Variants in ZDHHC6 observed in about 807,000 individuals in gnomAD.
ZDHHC6 encodes the protein zDHHC palmitoyltransferase 6, also known as palmitoyltransferase ZDHHC6.
In ZDHHC6, 32 loss-of-function variants were observed where a neutral mutation model predicts 57.8. The observed-to-expected ratio is 0.55, with a 90% CI of 0.42 to 0.74. The LOEUF is 0.74. Among genes scored for constraint, ZDHHC6 ranks in the 30% least tolerant of loss-of-function variants. The pLI is 0.00. For missense variants in ZDHHC6, 433 were observed against 500.7 expected, an observed-to-expected ratio of 0.86 and a Z score of 1.29; for synonymous variants, 128 against 158.0, an observed-to-expected ratio of 0.81 and a Z score of 1.42.
Position 112,438,393 on chromosome 10 carries a change from G to C in ZDHHC6, c.682-4C>G, listed in dbSNP as rs1845752532. On this transcript the variant is annotated splice_region_variant and splice_polypyrimidine_tract_variant and intron_variant, in intron 5 of 10. Transcript: ENST00000369405. The stretch of plus-strand genomic sequence containing the variant: ...TGTTTCTGAGAATTATTTTCATCTG[G>C]AAATTAAATGATAGTAAAATTTAAT... 8 of 1,378,376 alleles carry C rather than the reference G, an allele frequency of 5.8e-6. No individual in the cohort carries two copies. Among genetic ancestry groups the C allele is most frequent in the Non-Finnish European group, 7.7e-6 (8 of 1,035,030 alleles). The allele number at this position is 1,378,376 out of a possible 1,614,324, so 85.4% of individuals were successfully genotyped here.
chr10:112,427,365 G>A (rs755937747), downstream of ZDHHC6: 17 of 1,606,146 alleles, frequency 1.1e-5, no homozygotes, highest in Non-Finnish European at 1.4e-5. Flanking sequence ...TTAGGATAAG[G>A]TACTTAAGTA....
intron 7 of ZDHHC6, 71 bp from the exon 8 acceptor site, chr10:112,433,352 C>A: frequency 7.7e-7 from 1 of 1,291,096 alleles, no homozygotes; most frequent in Non-Finnish European, 1.0e-6. Context: ...CTTTCCTCAT[C>A]AACTGTCAGA....
At chr10:112,428,886 C>A (rs1844845295), downstream of ZDHHC6, among the ~76,000 whole-genome samples, 1 of 152,202 alleles carries the variant, frequency 6.6e-6, no homozygotes, top group African/African-American at 2.4e-5. Flanking sequence ...AGAAGACCCA[C>A]AGATGATTCT....
In ZDHHC6 at chr10:112,446,880, G is replaced by A. The variant is rs974970821; in HGVS notation, c.-390C>T. 4.9e-5 allele frequency: 9 copies of A among 184,996 alleles called. No homozygotes were observed. Among genetic ancestry groups the A allele is most frequent in the African/African-American group, 7.1e-5 (3 of 42,512 alleles). The allele number at this position is 184,996 out of a possible 1,614,324, so 11.5% of individuals were successfully genotyped here. On this transcript the variant is annotated 5_prime_UTR_variant, in exon 1 of 11. Coordinates refer to ENST00000369405, the MANE Select transcript of ZDHHC6 (RefSeq NM_022494.3). Reference sequence around the variant, plus strand: ...TGGAGTGCGGGACCTGCTACAAGCCGAGCACCTCTCGGCCAGCGCCCTCGC... The same window carrying A: ...TGGAGTGCGGGACCTGCTACAAGCCAAGCACCTCTCGGCCAGCGCCCTCGC...
chr10:112,433,370 G>A, intron 7 of ZDHHC6, 89 bp from the exon 8 acceptor site: 1 of 1,041,148 alleles, frequency 9.6e-7, no homozygotes, highest in East Asian at 2.7e-5. Flanking sequence ...AGAGTGATAT[G>A]GCAAAACCCC....
chr10:112,447,303 G>C, upstream of ZDHHC6: 13 of 1,525,838 alleles, frequency 8.5e-6, no homozygotes, highest in African/African-American at 1.4e-5. Context: ...AAGCCGCGGG[G>C]CCCCTCGCTG....
Position 112,430,700 on chromosome 10 carries a change from A to G in ZDHHC6, c.*104T>C. On this transcript the variant is annotated 3_prime_UTR_variant, in exon 11 of 11. Transcript: ENST00000369405. ...ATGGCACTAGGGCACCTTTGAGGAA[A>G]AGAACATCTTAACCAGAGTAGGCTC... 1 of 970,562 alleles carries G rather than the reference A, an allele frequency of 1.0e-6. No individual in the cohort carries two copies. The highest frequency in any genetic ancestry group is 1.5e-6 in the Non-Finnish European group (1 of 678,792). 60.1% of individuals were successfully genotyped at this position (970,562 alleles called of 1,614,324 possible).
intron 1 of ZDHHC6, among the ~76,000 whole-genome samples, chr10:112,446,176 C>A (rs1349849099): frequency 2.6e-5 from 4 of 152,126 alleles, no homozygotes; most frequent in African/African-American, 9.7e-5. Flanking sequence ...CCTGCAGTCT[C>A]CTCCACCCCG....
upstream of ZDHHC6, chr10:112,447,470 G>T: frequency 6.2e-7 from 1 of 1,613,084 alleles, no homozygotes; most frequent in Non-Finnish European, 8.5e-7. Flanking sequence ...CCCGCCTGGT[G>T]AGAGCCTTGC....
chr10:112,428,067 A>G (rs1305335865), downstream of ZDHHC6: 3 of 206,522 alleles, frequency 1.5e-5, no homozygotes, highest in Non-Finnish European at 1.9e-5. Context: ...CATTATTTAC[A>G]GTAGGAACTG....
chr10:112,443,670 G>T, intron 2 of ZDHHC6, 64 bp from the exon 3 acceptor site: 1 of 1,330,030 alleles, frequency 7.5e-7, no homozygotes, highest in South Asian at 1.3e-5. Flanking sequence ...TGATTCCTAC[G>T]GTATGATTTT....
chr10:112,433,114 T>C (rs1382844025), intron 8 of ZDHHC6, 126 bp downstream of exon 8: 1 of 678,338 alleles, frequency 1.5e-6, no homozygotes, highest in Non-Finnish European at 2.2e-6. Context: ...TTTCAACAAA[T>C]GTATTAAGGA....
chr10:112,425,118 C>T (rs1173831084), exon 12 of ZDHHC6: 4 of 358,202 alleles, frequency 1.1e-5, no homozygotes, highest in African/African-American at 4.2e-5. Flanking sequence ...TCTAAGGCTG[C>T]GCATTGACTC....
At chr10:112,434,538 C>A (rs1277648021) in intron 6 of ZDHHC6, 74 bp from the exon 7 acceptor site, 4 of 1,370,638 alleles carry the variant, frequency 2.9e-6, no homozygotes, top group African/African-American at 2.9e-5. Context: ...ATTGAGAACA[C>A]TTATTTCTCA....
At chr10:112,429,614 T>A (rs1197634107), downstream of ZDHHC6, among the ~76,000 whole-genome samples, 1 of 152,212 alleles carries the variant, frequency 6.6e-6, no homozygotes, top group Non-Finnish European at 1.5e-5. Flanking sequence ...TTTCCTTCTG[T>A]GATTCCACTG....
chr10:112,432,810 T>C (rs1461240592), intron 8 of ZDHHC6, among the ~76,000 whole-genome samples: 2 of 152,240 alleles, frequency 1.3e-5, no homozygotes, highest in Non-Finnish European at 1.5e-5. Context: ...GTATGTGTAG[T>C]ATCCAATGCA....
chr10:112,426,057 T>G (rs1056619063), downstream of ZDHHC6, among the ~76,000 whole-genome samples: 2 of 150,100 alleles, frequency 1.3e-5, no homozygotes, highest in Admixed American at 1.3e-4. Context: ...GGAACATCTT[T>G]GTAATGAGAT....
intron 6 of ZDHHC6, among the ~76,000 whole-genome samples, chr10:112,436,403 G>T (rs1343280567): frequency 6.6e-6 from 1 of 152,228 alleles, no homozygotes; most frequent in Non-Finnish European, 1.5e-5. Flanking sequence ...TTGAACCCAG[G>T]AAGTGGAGGT....
chr10:112,425,501 A>G (rs765894982), downstream of ZDHHC6: 3 of 1,579,568 alleles, frequency 1.9e-6, no homozygotes, highest in Non-Finnish European at 2.6e-6. Context: ...CATTTTAACA[A>G]TAGCCCATTT....
Sources: allele counts gnomAD v4.1 joint callset (sites outside exome capture counted in the v4.1 genomes callset), GRCh38; gene constraint gnomAD v4.1.1; transcripts MANE v1.5; gene names NCBI Gene and HGNC (gene_info 2026-07-23, HGNC 2026-07-21).